The following TNS3 variants were observed in gnomAD, a reference collection of about 807,000 sequenced individuals.
The protein encoded by TNS3 is tensin 3, also known as tensin-3.
A neutral mutation model predicts 140.9 loss-of-function variants in TNS3; 45 were observed. The ratio of observed to expected loss-of-function variants is 0.32; its 90% CI spans 0.25 to 0.41. The LOEUF (loss-of-function observed/expected upper bound fraction) is 0.41. Ranked by LOEUF, TNS3 falls within the 10% of genes least tolerant of loss-of-function variation. TNS3 has a pLI of 1.00. For synonymous variants in TNS3, 815 were observed against 788.4 expected, an observed-to-expected ratio of 1.03 and a Z score of -0.56; for missense variants, 1,716 against 1,906.7, an observed-to-expected ratio of 0.90 and a Z score of 1.86.
intron 20 of TNS3, among the ~76,000 whole-genome samples, chr7:47,320,489 C>T (rs749403482): frequency 2.0e-5 from 3 of 152,230 alleles, no homozygotes; most frequent in Non-Finnish European, 2.9e-5. Context: ...TATCCCCTCC[C>T]AGTCTAGCAG....
chr7:47,525,931 C>T (rs1799175166), intron 2 of TNS3, among the ~76,000 whole-genome samples: 2 of 152,320 alleles, frequency 1.3e-5, no homozygotes, highest in Non-Finnish European at 2.9e-5. Context: ...GGGGTCCTTC[C>T]CTGGCCCTTC....
chr7:47,427,548 G>A (rs941311438), intron 9 of TNS3, among the ~76,000 whole-genome samples: 4 of 152,222 alleles, frequency 2.6e-5, no homozygotes, highest in African/African-American at 7.2e-5. Context: ...GCATTTCAGC[G>A]AGAGTGAAGA....
chr7:47,370,500 T>A (rs145600933), intron 16 of TNS3, among the ~76,000 whole-genome samples: 191 of 152,288 alleles, frequency 1.3e-3, no homozygotes, highest in African/African-American at 4.4e-3. Flanking sequence ...AACTTTGAAC[T>A]AAAGTGTGGG....
chr7:47,392,351 C>G (rs1026716758), intron 16 of TNS3, among the ~76,000 whole-genome samples: 1 of 152,198 alleles, frequency 6.6e-6, no homozygotes, highest in African/African-American at 2.4e-5. Context: ...GCTCACACAT[C>G]AAAGCCAGCG....
chr7:47,440,966 C>T (rs776746632), intron 5 of TNS3, among the ~76,000 whole-genome samples: 3 of 152,150 alleles, frequency 2.0e-5, no homozygotes, highest in African/African-American at 2.4e-5. Context: ...ACACAGCTAA[C>T]CTCTGTCCAT....
At chr7:47,439,172 G>A (rs1484677868) in intron 6 of TNS3, among the ~76,000 whole-genome samples, 2 of 152,230 alleles carry the variant, frequency 1.3e-5, no homozygotes, top group African/African-American at 4.8e-5. Context: ...CAGCATGGGA[G>A]CGCAAGGGTG....
intron 16 of TNS3, among the ~76,000 whole-genome samples, chr7:47,385,652 G>A (rs35111833): frequency 0.014 from 2,154 of 152,312 alleles, 19 homozygotes; most frequent in Middle Eastern, 0.037. Context: ...TGATTAACAA[G>A]AGAGCAATAT....
intron 3 of TNS3, among the ~76,000 whole-genome samples, chr7:47,500,872 G>A (rs1187042590): frequency 1.3e-5 from 2 of 152,068 alleles, no homozygotes; most frequent in African/African-American, 4.8e-5. Context: ...TTGAGGTTAG[G>A]AGTTTGAGAC....
intron 1 of TNS3, among the ~76,000 whole-genome samples, chr7:47,568,755 G>A (rs546373293): frequency 6.6e-6 from 1 of 152,338 alleles, no homozygotes; most frequent in East Asian, 1.9e-4. Context: ...CGGCAGATGT[G>A]GGGGAGTCGT....
chr7:47,490,564 C>A (rs1157051550), intron 3 of TNS3, among the ~76,000 whole-genome samples: 1 of 152,238 alleles, frequency 6.6e-6, no homozygotes, highest in Non-Finnish European at 1.5e-5. Flanking sequence ...AACTCCGAAG[C>A]CTGGCCTTAG....
At chr7:47,536,400 A>AGCAAT (rs1584829377) in intron 1 of TNS3, among the ~76,000 whole-genome samples, 1 of 151,996 alleles carries the variant, frequency 6.6e-6, no homozygotes, top group African/African-American at 2.4e-5. Flanking sequence ...TGTTTAATTC[A>AGCAAT]AACACCGTGA....
At chr7:47,325,834 C>T (rs1562595546) in intron 20 of TNS3, among the ~76,000 whole-genome samples, 1 of 152,188 alleles carries the variant, frequency 6.6e-6, no homozygotes, top group East Asian at 1.9e-4. Context: ...AACTAGGCAG[C>T]TTGATTGCCT....
chr7:47,421,889 T>A (rs191572316), intron 10 of TNS3, among the ~76,000 whole-genome samples: 1 of 152,302 alleles, frequency 6.6e-6, no homozygotes, highest in East Asian at 1.9e-4. Context: ...TCCTTGCTAA[T>A]TAATTATTCT....
chr7:47,482,675 G>A (rs561339013), intron 3 of TNS3, among the ~76,000 whole-genome samples: 16 of 152,066 alleles, frequency 1.1e-4, no homozygotes, highest in Admixed American at 5.9e-4. Flanking sequence ...AGAAATGTGC[G>A]AAGAATCAGG....
chr7:47,306,729 C>T (rs962487676), intron 20 of TNS3, among the ~76,000 whole-genome samples: 3 of 152,160 alleles, frequency 2.0e-5, no homozygotes, highest in Non-Finnish European at 4.4e-5. Context: ...CACCTGCCAC[C>T]ACACCCGGCT....
intron 9 of TNS3, among the ~76,000 whole-genome samples, chr7:47,427,575 G>A (rs1356189715): frequency 2.6e-5 from 4 of 152,136 alleles, no homozygotes; most frequent in African/African-American, 4.8e-5. Flanking sequence ...CTCTGGGAAG[G>A]GTCCGGGTGT....
intron 16 of TNS3, among the ~76,000 whole-genome samples, chr7:47,372,098 C>T (rs1241482096): frequency 2.6e-5 from 4 of 152,194 alleles, no homozygotes; most frequent in South Asian, 2.1e-4. Context: ...CTGTTTTCAG[C>T]GTGTGAGAAG....
intron 4 of TNS3, among the ~76,000 whole-genome samples, chr7:47,476,754 T>C (rs1010899372): frequency 7.9e-5 from 12 of 152,212 alleles, no homozygotes; most frequent in African/African-American, 2.9e-4. Context: ...ATGCCAATCA[T>C]TGTGGTTTCC....
Position 47,435,288 on chromosome 7 carries a change from G to A in TNS3, c.318C>T (p.His106=), listed in dbSNP as rs1333968616. ...TGAGAGGGGGCGCACTCACCCTGCAGTGAATGACGACCACATGCTGGAGGT... is the reference window on the plus strand; with the variant it reads ...TGAGAGGGGGCGCACTCACCCTGCAATGAATGACGACCACATGCTGGAGGT... ...NSNLQHVVVI[H]CRGGKGRIGV... The change falls in exon 8 of 31, where the codon CAC becomes CAT. Residue 106 remains histidine, a synonymous_variant. Coordinates refer to ENST00000311160, the MANE Select transcript of TNS3 (RefSeq NM_022748.12). The A allele has an allele frequency of 1.2e-6, 2 of 1,614,010 alleles. No individual in the cohort carries two copies. Among genetic ancestry groups the A allele is most frequent in the African/African-American group, 1.3e-5 (1 of 74,928 alleles).
Sources: gnomAD v4.1 joint callset for allele counts (sites outside exome capture counted in the v4.1 genomes callset) on GRCh38, gnomAD v4.1.1 for gene constraint, MANE v1.5 for transcripts, NCBI Gene and HGNC (gene_info 2026-07-23, HGNC 2026-07-21) for gene names.